AOPEP: variants seen among roughly 807,000 people sequenced by gnomAD.
AOPEP encodes the protein aminopeptidase O (putative).
AOPEP carries 77 observed loss-of-function variants against 98.1 expected under a neutral mutation model. The observed-to-expected ratio is 0.78, with a 90% CI of 0.65 to 0.95. AOPEP has a LOEUF of 0.95. Among genes scored for constraint, AOPEP ranks in the 40% least tolerant of loss-of-function variants. The probability of loss-of-function intolerance (pLI) is 0.00; values close to 1 mark genes in which losing one functional copy is unlikely to be tolerated. For synonymous variants in AOPEP, 346 were observed against 365.3 expected (o/e 0.95, Z 0.60); for missense variants, 1,024 against 1,024.7 (o/e 1.00, Z 0.01).
rs554735709 is a variant in AOPEP at position 95,033,309 on chromosome 9, A to G, written c.2116-27385A>G. On this transcript the variant is annotated intron_variant, in intron 13 of 16. Coordinates refer to ENST00000375315, the MANE Select transcript of AOPEP (RefSeq NM_001193329.3). ...TTTGTTCTGGTGCCGTGTGCTCAGC[A>G]TGTCTCTCCATGCTCCTCTCTTACC... Among the ~76,000 whole-genome samples, 55 of 152,152 alleles carry G rather than the reference A, an allele frequency of 3.6e-4. No homozygotes were observed. The South Asian group carries it at 9.1e-3, about 25-fold the overall frequency.
chr9:95,144,757 G>C, the AOPEP span, among the ~76,000 whole-genome samples: 2 of 152,204 alleles, frequency 1.3e-5, no homozygotes, highest in African/African-American at 4.8e-5. Flanking sequence ...AATCGCCGTG[G>C]AGAGTAAAAA....
chr9:94,808,162 C>T (rs1849655221), intron 5 of AOPEP, among the ~76,000 whole-genome samples: 1 of 151,908 alleles, frequency 6.6e-6, no homozygotes, highest in African/African-American at 2.4e-5. Context: ...GCCTCAGCCT[C>T]CTGAGTAGCA....
chr9:95,032,193 G>A (rs1447197807), intron 13 of AOPEP, among the ~76,000 whole-genome samples: 1 of 152,210 alleles, frequency 6.6e-6, no homozygotes, highest in Non-Finnish European at 1.5e-5. Context: ...CACCTGGCCA[G>A]CGGAGGCCAC....
chr9:95,095,742 G>A, the AOPEP span, among the ~76,000 whole-genome samples: 3 of 152,078 alleles, frequency 2.0e-5, no homozygotes, highest in Non-Finnish European at 4.4e-5. Flanking sequence ...CTGGAGCCTT[G>A]GGTCCCGCCC....
intron 13 of AOPEP, among the ~76,000 whole-genome samples, chr9:95,049,310 G>A (rs1158653448): frequency 1.3e-5 from 2 of 152,160 alleles, no homozygotes; most frequent in East Asian, 3.8e-4. Flanking sequence ...GGGAAATTCT[G>A]TAAAAATGCG....
In AOPEP at chr9:94,759,906, G is replaced by T. The variant is rs1211069571; in HGVS notation, c.123G>T (p.Gly41=). The T allele has an allele frequency of 6.2e-7, 1 of 1,614,006 alleles. No individual in the cohort carries two copies. The highest frequency in any genetic ancestry group is 1.3e-5 in the African/African-American group (1 of 74,888). ...DVDFESQVIE[G]TIVLFLEDGN... is the part of the protein sequence containing the mutation. ...ATTTTGAAAGTCAAGTCATTGAGGG[G>T]ACCATAGTGCTTTTCCTCGAGGATG... The change falls in exon 2 of 17, where the codon GGG becomes GGT. Residue 41 remains glycine, a synonymous_variant. Coordinates refer to ENST00000375315, the MANE Select transcript of AOPEP (RefSeq NM_001193329.3).
At chr9:94,934,161 A>G (rs2055856774) in intron 7 of AOPEP, among the ~76,000 whole-genome samples, 1 of 152,100 alleles carries the variant, frequency 6.6e-6, no homozygotes, top group African/African-American at 2.4e-5. Context: ...CAAAACGGAA[A>G]TGTCCTGGGG....
chr9:95,082,917 G>A (rs1314257121), intron 16 of AOPEP, 198 bp downstream of exon 16: 1 of 580,502 alleles, frequency 1.7e-6, no homozygotes, highest in East Asian at 3.1e-5. Context: ...GGAGCACCTT[G>A]CCTGGCTGTG....
At chr9:94,744,692 ACT>A (rs1422728757) in intron 1 of AOPEP, among the ~76,000 whole-genome samples, 1 of 134,662 alleles carries the variant, frequency 7.4e-6, no homozygotes, top group Non-Finnish European at 1.5e-5. Flanking sequence ...CAAGAGTGAG[ACT>A]CTGTCTCAAA....
chr9:95,013,583 C>A (rs1448539101), intron 13 of AOPEP, among the ~76,000 whole-genome samples: 1 of 152,002 alleles, frequency 6.6e-6, no homozygotes, highest in African/African-American at 2.4e-5. Flanking sequence ...AGTTTTAATT[C>A]TGTGGTTTAT....
chr9:94,728,463 C>T (rs1829781121), intron 1 of AOPEP, among the ~76,000 whole-genome samples: 1 of 152,178 alleles, frequency 6.6e-6, no homozygotes, highest in African/African-American at 2.4e-5. Context: ...TTCTTAAACA[C>T]TCAGGATGCC....
intron 5 of AOPEP, among the ~76,000 whole-genome samples, chr9:94,811,088 T>TA (rs1362743655): frequency 6.6e-6 from 1 of 152,186 alleles, no homozygotes; most frequent in Non-Finnish European, 1.5e-5. Flanking sequence ...AAGTTGCACA[T>TA]ACATATGTTT....
At chr9:94,937,941 C>T (rs989284618) in intron 7 of AOPEP, among the ~76,000 whole-genome samples, 5 of 152,138 alleles carry the variant, frequency 3.3e-5, no homozygotes, top group Admixed American at 2.0e-4. Flanking sequence ...GGCGTGGTCT[C>T]GGCTCACTGC....
intron 3 of AOPEP, among the ~76,000 whole-genome samples, chr9:94,776,554 G>A (rs981444814): frequency 2.6e-4 from 40 of 152,100 alleles, no homozygotes; most frequent in African/African-American, 8.7e-4. Flanking sequence ...CACTCGCCTC[G>A]GCCTCCCAAA....
chr9:95,117,573 T>C, the AOPEP span, among the ~76,000 whole-genome samples: 1 of 144,132 alleles, frequency 6.9e-6, no homozygotes, highest in Non-Finnish European at 1.5e-5. Flanking sequence ...TCCAGAATAA[T>C]TAACCTTTTT....
intron 13 of AOPEP, among the ~76,000 whole-genome samples, chr9:95,046,581 G>T (rs541775973): frequency 6.6e-6 from 1 of 152,324 alleles, no homozygotes; most frequent in African/African-American, 2.4e-5. Context: ...ATTTAAAGGG[G>T]AGTGTTGTGT....
chr9:94,769,239 C>T (rs1227327343), intron 2 of AOPEP, among the ~76,000 whole-genome samples: 1 of 152,204 alleles, frequency 6.6e-6, no homozygotes, highest in Non-Finnish European at 1.5e-5. Flanking sequence ...AAAACCTTCA[C>T]ACTGCTAAAA....
At chr9:94,890,048 A>G (rs991169354) in intron 5 of AOPEP, among the ~76,000 whole-genome samples, 2 of 146,720 alleles carry the variant, frequency 1.4e-5, no homozygotes, top group Non-Finnish European at 3.0e-5. Flanking sequence ...TTTTTGATAC[A>G]GAGTCTCACT....
intron 1 of AOPEP, among the ~76,000 whole-genome samples, chr9:94,737,943 G>C (rs1832145385): frequency 6.6e-6 from 1 of 152,190 alleles, no homozygotes. Flanking sequence ...TCGGGCAGTA[G>C]AGTGTAGTGC....
Sources: allele counts gnomAD v4.1 joint callset (sites outside exome capture counted in the v4.1 genomes callset), GRCh38; gene constraint gnomAD v4.1.1; transcripts MANE v1.5; gene names NCBI Gene and HGNC (gene_info 2026-07-23, HGNC 2026-07-21).